Variants in RSU1 observed in about 807,000 individuals in gnomAD.
RSU1 encodes the protein rsu-1.
Under a neutral mutation model 31.1 loss-of-function variants are expected in RSU1, and 26 were observed. That is an observed-to-expected ratio of 0.84 (90% CI 0.61 to 1.16). RSU1 has a LOEUF of 1.16. Ranked by LOEUF, RSU1 falls within the 50% of genes most tolerant of loss-of-function variation. The pLI, the probability that RSU1 is intolerant of heterozygous loss-of-function variation, is 0.00. For missense variants in RSU1, 320 were observed against 339.1 expected, an observed-to-expected ratio of 0.94 and a Z score of 0.44; for synonymous variants, 164 against 136.3, an observed-to-expected ratio of 1.20 and a Z score of -1.41.
intron 2 of RSU1, among the ~76,000 whole-genome samples, chr10:16,803,089 G>A (rs1223049427): frequency 2.0e-5 from 3 of 152,120 alleles, no homozygotes; most frequent in Non-Finnish European, 1.5e-5. Flanking sequence ...AATTAAAACT[G>A]TCTTTCTCCA....
chr10:16,633,758 AC>A (rs1834295824), intron 8 of RSU1, among the ~76,000 whole-genome samples: 1 of 152,130 alleles, frequency 6.6e-6, no homozygotes, highest in South Asian at 2.1e-4. Flanking sequence ...GCTTCTGTGT[AC>A]TTTTCAATGC....
intron 7 of RSU1, among the ~76,000 whole-genome samples, chr10:16,743,428 T>C (rs1316871755): frequency 6.6e-6 from 1 of 152,220 alleles, no homozygotes; most frequent in Admixed American, 6.5e-5. Flanking sequence ...CTTGCCTACA[T>C]TATACAACTG....
At chr10:16,783,053 G>C (rs1008692385) in intron 2 of RSU1, among the ~76,000 whole-genome samples, 2 of 151,766 alleles carry the variant, frequency 1.3e-5, no homozygotes, top group Non-Finnish European at 2.9e-5. Context: ...TGAGATCACA[G>C]GTGCATGCCA....
intron 8 of RSU1, among the ~76,000 whole-genome samples, chr10:16,611,113 G>A (rs1833884946): frequency 6.6e-6 from 1 of 152,162 alleles, no homozygotes; most frequent in African/African-American, 2.4e-5. Flanking sequence ...CATTATCCAT[G>A]AGGCCCTCCC....
chr10:16,722,883 T>TATACATATATGTATATATACACACAA, intron 7 of RSU1, among the ~76,000 whole-genome samples: 1 of 149,200 alleles, frequency 6.7e-6, no homozygotes, highest in South Asian at 2.1e-4. Flanking sequence ...TATACACACA[T>TATACATATATGTATATATACACACAA]ATACATATAT....
intron 7 of RSU1, among the ~76,000 whole-genome samples, chr10:16,732,147 G>A (rs1260758164): frequency 1.3e-5 from 2 of 152,216 alleles, no homozygotes; most frequent in African/African-American, 2.4e-5. Flanking sequence ...CTCATGGGAA[G>A]TACACAAAGG....
chr10:16,631,037 T>C (rs941384705), intron 8 of RSU1, among the ~76,000 whole-genome samples: 2 of 152,248 alleles, frequency 1.3e-5, no homozygotes, highest in African/African-American at 4.8e-5. Context: ...AAACATTTCT[T>C]TCTTATTTTA....
At chr10:16,753,442 T>C (rs1337255551) in intron 5 of RSU1, among the ~76,000 whole-genome samples, 2 of 152,228 alleles carry the variant, frequency 1.3e-5, no homozygotes, top group Non-Finnish European at 2.9e-5. Flanking sequence ...CCTTTTCCTA[T>C]GTAAATAGCA....
At chr10:16,708,993 C>A (rs1394021456) in intron 7 of RSU1, among the ~76,000 whole-genome samples, 1 of 149,268 alleles carries the variant, frequency 6.7e-6, no homozygotes, top group African/African-American at 2.5e-5. Flanking sequence ...TAGTAGAGTC[C>A]TTTGGTTTTT....
chr10:16,613,894 C>G (rs1260488610), intron 8 of RSU1, among the ~76,000 whole-genome samples: 2 of 151,854 alleles, frequency 1.3e-5, no homozygotes, highest in Admixed American at 1.3e-4. Context: ...ATATGAAGAT[C>G]ACATGTGTGT....
intron 2 of RSU1, among the ~76,000 whole-genome samples, chr10:16,804,229 A>T (rs933189362): frequency 3.3e-4 from 50 of 152,380 alleles, no homozygotes; most frequent in African/African-American, 1.1e-3. Context: ...GCTCGGCATC[A>T]TATGTCATTA....
At chr10:16,644,483 C>T (rs556379626) in intron 8 of RSU1, among the ~76,000 whole-genome samples, 27 of 152,210 alleles carry the variant, frequency 1.8e-4, no homozygotes, top group Admixed American at 3.3e-4. Flanking sequence ...CAAAGTAGTG[C>T]TTGGATATAT....
In RSU1 at chr10:16,710,007, T is replaced by C. The variant is rs1192167113; in HGVS notation, c.599-14852A>G. Among the ~76,000 whole-genome samples the C allele has an allele frequency of 3.3e-5, 5 of 152,204 alleles. No individual in the cohort carries two copies. In the East Asian group the frequency reaches 9.6e-4, roughly 29 times the overall value. ...CCTCTTTTCCAATTTGGATGCCTTT[T>C]ATATCTTTCTCTTCCCTAATGGCTT... On this transcript the variant is annotated intron_variant, in intron 7 of 8. Coordinates refer to ENST00000345264, the MANE Select transcript of RSU1 (RefSeq NM_012425.4).
rs763164148 is a variant in RSU1 at position 16,722,894 on chromosome 10, G to GTA, written c.599-27741_599-27740dup. On this transcript the variant is annotated intron_variant, in intron 7 of 8. Transcript: ENST00000345264. ...TATATATACACACATATACATATAT[G>GTA]TATATATACACACATATACATATAT... Among the ~76,000 whole-genome samples the GTA allele has an allele frequency of 4.8e-3, 691 of 143,398 alleles. 4 individuals carry two copies. Among genetic ancestry groups the GTA allele is most frequent in the South Asian group, 8.2e-3 (36 of 4,390 alleles). The allele number at this position is 143,398 out of a possible 152,430, so 94.1% of individuals were successfully genotyped here. A position where few individuals can be genotyped will look rare whatever the true frequency, so the allele number is the denominator to read the frequency against.
intron 3 of RSU1, among the ~76,000 whole-genome samples, chr10:16,774,386 A>G (rs1201157063): frequency 3.3e-5 from 5 of 152,138 alleles, no homozygotes; most frequent in Non-Finnish European, 4.4e-5. Flanking sequence ...CAGCCTGGCC[A>G]ACATGGTGAA....
intron 8 of RSU1, among the ~76,000 whole-genome samples, chr10:16,601,795 C>T (rs151129418): frequency 6.6e-6 from 1 of 152,148 alleles, no homozygotes; most frequent in African/African-American, 2.4e-5. Flanking sequence ...TTGAGGCAGG[C>T]AGGGCAGAGT....
At chr10:16,783,976 G>T (rs1351761119) in intron 2 of RSU1, among the ~76,000 whole-genome samples, 3 of 152,160 alleles carry the variant, frequency 2.0e-5, no homozygotes, top group Admixed American at 6.5e-5. Context: ...TAGCTGTCAG[G>T]TCTTTGTCGT....
intron 2 of RSU1, among the ~76,000 whole-genome samples, chr10:16,800,887 ATGT>A (rs1171153996): frequency 1.3e-5 from 2 of 152,010 alleles, no homozygotes; most frequent in African/African-American, 4.8e-5. Context: ...AAAACGGAAT[ATGT>A]TGTGAGAAGA....
chr10:16,708,557 A>G (rs1209893267), intron 7 of RSU1, among the ~76,000 whole-genome samples: 2 of 151,940 alleles, frequency 1.3e-5, no homozygotes, highest in East Asian at 1.9e-4. Flanking sequence ...TGCTTTGGCT[A>G]TTTGGGTCCT....
Sources: allele counts gnomAD v4.1 joint callset (sites outside exome capture counted in the v4.1 genomes callset), GRCh38; gene constraint gnomAD v4.1.1; transcripts MANE v1.5; gene names NCBI Gene and HGNC (gene_info 2026-07-23, HGNC 2026-07-21).